Variants in GRIP2 observed in about 807,000 individuals in gnomAD.
The protein encoded by GRIP2 is glutamate receptor interacting protein 2, also known as glutamate receptor-interacting protein 2.
In GRIP2, 58 loss-of-function variants were observed where a neutral mutation model predicts 108.3. The ratio of observed to expected loss-of-function variants is 0.54; its 90% confidence interval spans 0.43 to 0.67. The LOEUF (loss-of-function observed/expected upper bound fraction) is 0.67, where lower values mean the gene tolerates loss of function less well. Among genes scored for constraint, GRIP2 ranks in the 30% least tolerant of loss-of-function variants. The pLI, the probability that GRIP2 is intolerant of heterozygous loss-of-function variation, is 0.00. For missense variants in GRIP2, 1,278 were observed against 1,430.6 expected (o/e 0.89, Z 1.72); for synonymous variants, 586 against 598.2 (o/e 0.98, Z 0.30).
Position 14,520,510 on chromosome 3 carries a change from A to C in GRIP2, c.740T>G (p.Leu247Trp), listed in dbSNP as rs1485582810. 3.1e-6 allele frequency: 5 copies of C among 1,613,950 alleles called. No homozygotes were observed. The Admixed American group carries it at 6.7e-5, about 22-fold the overall frequency. Residue 247 changes from leucine (L) to tryptophan (W), a missense_variant, in exon 8 of 24, where the codon TTG becomes TGG. Transcript: ENST00000621039. The stretch of plus-strand genomic sequence containing the variant: ...TGGCGTCTTGACTATTTCCACCATC[A>C]AGGGTCCCGAAGCATTAGCCACCGT... ...PDTVANASGPLMVEIVKTPGS... is the reference protein window; with the variant it reads ...PDTVANASGPWMVEIVKTPGS...
rs1453108078 is a variant in GRIP2 at position 14,491,693 on chromosome 3, C to T, written c.*1972G>A. 6.6e-6 allele frequency: 1 copy of T among 152,444 alleles called. No individual in the cohort carries two copies. Among genetic ancestry groups the T allele is most frequent in the Non-Finnish European group, 1.5e-5 (1 of 68,238 alleles). 9.4% of individuals were successfully genotyped at this position (152,444 alleles called of 1,614,324 possible). ...GAGTCCTGGAGTCAATGCAGTTTTCCCAAGCCGAGAGGCCCTGAGAGTGTG... is the reference window on the plus strand; with the variant it reads ...GAGTCCTGGAGTCAATGCAGTTTTCTCAAGCCGAGAGGCCCTGAGAGTGTG... On this transcript the variant is annotated 3_prime_UTR_variant, in exon 24 of 24. Coordinates refer to ENST00000621039, the MANE Select transcript of GRIP2 (RefSeq NM_001080423.4).
chr3:14,589,778 A>AT, the GRIP2 span, among the ~76,000 whole-genome samples: 2 of 87,028 alleles, frequency 2.3e-5, no homozygotes, highest in African/African-American at 1.1e-4. Flanking sequence ...TACAGACTAC[A>AT]CTTTTTTTTT....
In GRIP2 at chr3:14,505,804, A is replaced by G. The variant is rs1411949846; in HGVS notation, c.2399-15T>C. ...TGTATAGGACCCTGGTGGTGGAGAG[A>G]GGGCCTCTGTGTTCCCTGCGGCCTC... On this transcript the variant is annotated splice_polypyrimidine_tract_variant and intron_variant, in intron 19 of 23. Coordinates refer to ENST00000621039, the MANE Select transcript of GRIP2 (RefSeq NM_001080423.4). This position sits in a 1 kb window ranked among gnomAD's most constrained non-coding sequence, Gnocchi z 4.2. The G allele has an allele frequency of 2.7e-6, 4 of 1,502,030 alleles. No homozygotes were observed. In the Admixed American group the frequency reaches 7.1e-5, roughly 26 times the overall value. The allele number at this position is 1,502,030 out of a possible 1,614,324, so 93.0% of individuals were successfully genotyped here.
chr3:14,536,920 A>G (rs35760758), intron 1 of GRIP2, among the ~76,000 whole-genome samples: 11,550 of 152,242 alleles, frequency 0.076, 482 homozygotes, highest in Middle Eastern at 0.12. Flanking sequence ...CGCCCTGGCC[A>G]GCTCCACTCC....
At chr3:14,574,879 A>C in the GRIP2 span, 3 of 303,828 alleles carry the variant, frequency 9.9e-6, no homozygotes, top group African/African-American at 6.6e-5. Flanking sequence ...TGCTGAATGA[A>C]AAGGGCTGGA....
the GRIP2 span, among the ~76,000 whole-genome samples, chr3:14,600,310 T>C: frequency 6.6e-6 from 1 of 152,242 alleles, no homozygotes; most frequent in Non-Finnish European, 1.5e-5. Flanking sequence ...TATTACGTGC[T>C]GGTTCCTGTG....
chr3:14,494,592 C>T (rs902033672), intron 23 of GRIP2, among the ~76,000 whole-genome samples: 2 of 152,222 alleles, frequency 1.3e-5, no homozygotes, highest in African/African-American at 2.4e-5. Flanking sequence ...CCAAGATGGG[C>T]GGATGCTCCA....
At chr3:14,524,613 C>T in intron 3 of GRIP2, 75 bp from the exon 4 acceptor site, 1 of 1,452,398 alleles carries the variant, frequency 6.9e-7, no homozygotes, top group Non-Finnish European at 9.3e-7. Flanking sequence ...ACCCACCCTC[C>T]TCTGGAATCC....
intron 10 of GRIP2, among the ~76,000 whole-genome samples, chr3:14,517,419 C>T (rs1694279921): frequency 6.7e-6 from 1 of 148,616 alleles, no homozygotes; most frequent in Non-Finnish European, 1.5e-5. Context: ...CTGTGAAACT[C>T]AGCTATTAGG....
At chr3:14,509,776 T>C (rs1174690237) in intron 17 of GRIP2, 44 bp downstream of exon 17, 1 of 1,370,804 alleles carries the variant, frequency 7.3e-7, no homozygotes, top group Admixed American at 3.2e-5. Context: ...TTGCTTCCTG[T>C]GTTCCCTGAG....
In GRIP2 at chr3:14,521,801, C is replaced by T; in HGVS notation, c.567-14G>A. The T allele has an allele frequency of 6.4e-7, 1 of 1,574,424 alleles. No individual in the cohort carries two copies. The highest frequency in any genetic ancestry group is 8.6e-7 in the Non-Finnish European group (1 of 1,160,340). ...AGGGAGCCCTCCCTGTAGGGAAGGG[C>T]CAGTCACCAGCCTGGCCCGGCAGCA... On this transcript the variant is annotated splice_polypyrimidine_tract_variant and intron_variant, in intron 6 of 23. Coordinates refer to ENST00000621039, the MANE Select transcript of GRIP2 (RefSeq NM_001080423.4). This position sits in a 1 kb window ranked among gnomAD's most constrained non-coding sequence, Gnocchi z 5.1.
intron 1 of GRIP2, among the ~76,000 whole-genome samples, chr3:14,547,698 C>G (rs1695078758): frequency 6.6e-6 from 1 of 152,180 alleles, no homozygotes; most frequent in African/African-American, 2.4e-5. Context: ...CCATCCTCCT[C>G]CCCTCAGGGG....
At chr3:14,584,070 T>C in the GRIP2 span, among the ~76,000 whole-genome samples, 1 of 152,224 alleles carries the variant, frequency 6.6e-6, no homozygotes, top group African/African-American at 2.4e-5. Flanking sequence ...CTGCATTTTA[T>C]AGACAAAGAC....
At chr3:14,552,632 CTCT>C (rs760175976) in intron 1 of GRIP2, among the ~76,000 whole-genome samples, 7,201 of 106,124 alleles carry the variant, frequency 0.068, 219 homozygotes, top group Non-Finnish European at 0.11. Context: ...CTCTCTCTCT[CTCT>C]TTTTTTTTTT....
chr3:14,512,712 C>G lies in GRIP2; in HGVS notation c.1720+65G>C. 6.8e-7 allele frequency: 1 copy of G among 1,480,170 alleles called. No individual in the cohort carries two copies. The highest frequency in any genetic ancestry group is 9.4e-7 in the Non-Finnish European group (1 of 1,066,290). 91.7% of individuals were successfully genotyped at this position (1,480,170 alleles called of 1,614,324 possible). ...CATGGAAATGCTGGTCTGAGCTTGG[C>G]AAGCTCTTTTTCCCCAGCAGTTGAG... On this transcript the variant is annotated intron_variant, in intron 14 of 23. Coordinates refer to ENST00000621039, the MANE Select transcript of GRIP2 (RefSeq NM_001080423.4). This position sits in a 1 kb window ranked among gnomAD's most constrained non-coding sequence, Gnocchi z 5.1.
chr3:14,575,795 C>T, the GRIP2 span, among the ~76,000 whole-genome samples: 2 of 152,216 alleles, frequency 1.3e-5, no homozygotes, highest in Admixed American at 6.5e-5. Context: ...GCCCTGTCTC[C>T]CCAGAGCTTG....
At chr3:14,532,665 G>A (rs562013011) in intron 1 of GRIP2, among the ~76,000 whole-genome samples, 4 of 152,184 alleles carry the variant, frequency 2.6e-5, no homozygotes, top group African/African-American at 9.6e-5. Flanking sequence ...ACCTGAGTTA[G>A]GGGAGGGGGT....
upstream of GRIP2, chr3:14,541,840 A>G (rs1694976907): frequency 3.1e-6 from 4 of 1,286,624 alleles, no homozygotes; most frequent in East Asian, 5.5e-5. Flanking sequence ...TTCCTGGACG[A>G]CTCAAATCAT....
chr3:14,517,792 G>A lies in GRIP2; in HGVS notation c.1136C>T (p.Ala379Val), dbSNP rs781747171. The change falls in exon 10 of 24, where the codon GCT (alanine) becomes GTT (valine). Residue 379 changes from alanine to valine, a missense_variant. Physicochemically the swap from Ala to Val is moderately conservative, Grantham distance 64. Coordinates refer to ENST00000621039, the MANE Select transcript of GRIP2 (RefSeq NM_001080423.4). Reference sequence around the variant, plus strand: ...ATTACATCGGCTTTGGTCCTGGCCAGCAGGTGTGGCCCAGGTGGGCATCCT... The same window carrying A: ...ATTACATCGGCTTTGGTCCTGGCCAACAGGTGTGGCCCAGGTGGGCATCCT... ...HCRMPTWATP[A>V]GQDQSRSLSS... 1.2e-6 allele frequency: 2 copies of A among 1,609,368 alleles called. No individual in the cohort carries two copies. Among genetic ancestry groups the A allele is most frequent in the Non-Finnish European group, 1.7e-6 (2 of 1,178,340 alleles).
Sources: allele counts gnomAD v4.1 joint callset (sites outside exome capture counted in the v4.1 genomes callset), GRCh38; gene constraint gnomAD v4.1.1; non-coding constraint Gnocchi (gnomAD v3.1); transcripts MANE v1.5; gene names NCBI Gene and HGNC (gene_info 2026-07-23, HGNC 2026-07-21).